The following CCND3 variants were observed in gnomAD, a reference collection of about 807,000 sequenced individuals.
CCND3 encodes the protein G1/S-specific cyclin-D3.
Under a neutral mutation model 28.7 loss-of-function variants are expected in CCND3, and 9 were observed. The observed-to-expected ratio is 0.31, with a 90% CI of 0.19 to 0.55. The LOEUF is 0.55. Ranked by LOEUF, CCND3 falls within the 20% of genes least tolerant of loss-of-function variation. The probability of loss-of-function intolerance (pLI) is 0.93; values close to 1 mark genes in which losing one functional copy is unlikely to be tolerated. For synonymous variants in CCND3, 164 were observed against 163.9 expected, an observed-to-expected ratio of 1.00 and a Z score of 0.00; for missense variants, 315 against 385.8, an observed-to-expected ratio of 0.82 and a Z score of 1.54.
chr6:41,975,669 T>C (rs1762157877), intron 1 of CCND3, among the ~76,000 whole-genome samples: 1 of 151,298 alleles, frequency 6.6e-6, no homozygotes, highest in Non-Finnish European at 1.5e-5. Context: ...AGGGACTCAC[T>C]GGGAGTAGTG....
At chr6:42,009,620 A>AAAAAC (rs61144625) in intron 1 of CCND3, among the ~76,000 whole-genome samples, 117,787 of 150,418 alleles carry the variant, frequency 0.78, 46,861 homozygotes, top group East Asian at 0.88. Flanking sequence ...TTCAAAACAA[A>AAAAAC]AAAACAAAAC....
intron 1 of CCND3, among the ~76,000 whole-genome samples, chr6:42,030,683 C>T (rs548537979): frequency 3.3e-5 from 5 of 152,322 alleles, no homozygotes; most frequent in Non-Finnish European, 7.4e-5. Context: ...CTTCCTGGAG[C>T]GGCCCAGGGG....
chr6:42,036,377 C>CTATATATATATATA (rs1162806893), intron 1 of CCND3, among the ~76,000 whole-genome samples: 12 of 59,586 alleles, frequency 2.0e-4, no homozygotes, highest in African/African-American at 4.2e-4. Context: ...TGCATATATA[C>CTATATATATATATA]TATATATATA....
At chr6:42,003,749 A>G (rs1250006594) in intron 1 of CCND3, among the ~76,000 whole-genome samples, 3 of 151,384 alleles carry the variant, frequency 2.0e-5, no homozygotes, top group Non-Finnish European at 4.4e-5. Context: ...GACCAGTCTG[A>G]GCAACATGGT....
At chr6:41,946,305 G>A (rs561752652), upstream of CCND3, among the ~76,000 whole-genome samples, 577 of 151,928 alleles carry the variant, frequency 3.8e-3, 5 homozygotes, top group African/African-American at 0.013. Flanking sequence ...GGACTTAAAA[G>A]CACAAAGTTG....
At chr6:41,954,853 CG>C (rs1319447312) in intron 1 of CCND3, among the ~76,000 whole-genome samples, 3 of 152,130 alleles carry the variant, frequency 2.0e-5, no homozygotes, top group Non-Finnish European at 4.4e-5. Context: ...CACTGTGCTG[CG>C]ATGCCTGGAG....
At chr6:42,013,860 T>C (rs1763410902) in intron 1 of CCND3, among the ~76,000 whole-genome samples, 1 of 150,846 alleles carries the variant, frequency 6.6e-6, no homozygotes, top group Non-Finnish European at 1.5e-5. Context: ...GATCACGAGG[T>C]CAAGAGACTG....
At position 42,048,354 on chromosome 6, in the gene CCND3, G is replaced by A. The variant is rs763536024; in HGVS notation, c.-46+147C>T. ...TCCGTGCAGAACACCTCACTCAGTG[G>A]GAAAGTGAGCCAAGCTTTCGGTGCC... On this transcript the variant is annotated intron_variant, in intron 1 of 4. Coordinates refer to the CCND3 transcript ENST00000372988. The surrounding 1 kb of genome is among the most constrained non-coding windows in gnomAD (Gnocchi z 4.7). The A allele has an allele frequency of 2.9e-6, 1 of 344,038 alleles. No individual in the cohort carries two copies. Among genetic ancestry groups the A allele is most frequent in the Non-Finnish European group, 5.8e-6 (1 of 173,576 alleles). 21.3% of individuals were successfully genotyped at this position (344,038 alleles called of 1,614,324 possible).
chr6:41,995,152 GTTAT>G (rs930299865), intron 1 of CCND3, among the ~76,000 whole-genome samples: 2 of 152,048 alleles, frequency 1.3e-5, no homozygotes, highest in African/African-American at 2.4e-5. Flanking sequence ...CATACAAATG[GTTAT>G]TTATTATAGC....
intron 1 of CCND3, among the ~76,000 whole-genome samples, chr6:42,021,148 T>A (rs1223275238): frequency 1.3e-5 from 2 of 152,266 alleles, no homozygotes; most frequent in Non-Finnish European, 2.9e-5. Flanking sequence ...ACAACTTTTA[T>A]TACAATATAT....
intron 1 of CCND3, among the ~76,000 whole-genome samples, chr6:42,043,713 T>C (rs1764440062): frequency 6.6e-6 from 1 of 152,138 alleles, no homozygotes; most frequent in South Asian, 2.1e-4. Context: ...AATCAGGGTG[T>C]CCTTGCTCAT....
intron 1 of CCND3, among the ~76,000 whole-genome samples, chr6:42,007,584 T>C (rs9462762): frequency 0.36 from 54,797 of 152,122 alleles, 10,717 homozygotes; most frequent in Middle Eastern, 0.5. Flanking sequence ...AGGGCCTGGC[T>C]AAGCAACCAT....
intron 1 of CCND3, among the ~76,000 whole-genome samples, chr6:42,024,694 G>T (rs758077229): frequency 3.3e-5 from 5 of 152,160 alleles, no homozygotes; most frequent in Non-Finnish European, 5.9e-5. Context: ...GCTGAGACAG[G>T]TGAATCACCT....
chr6:41,967,147 C>T (rs1015462196), intron 1 of CCND3, among the ~76,000 whole-genome samples: 1 of 152,124 alleles, frequency 6.6e-6, no homozygotes, highest in African/African-American at 2.4e-5. Flanking sequence ...TGTCTCACCT[C>T]TGGTTTCAGA....
intron 1 of CCND3, among the ~76,000 whole-genome samples, chr6:41,951,820 G>A (rs1348771089): frequency 1.3e-5 from 2 of 151,730 alleles, no homozygotes; most frequent in African/African-American, 4.8e-5. Context: ...GTGCAGTGGT[G>A]TGATCTCAGC....
rs1246451011 is a variant in CCND3 at position 41,936,588 on chromosome 6, G to A, written c.682C>T (p.Leu228=). The part of the protein sequence containing the change: ...CSMSGDELTE[L]LAGITGTEVD... The stretch of plus-strand genomic sequence containing the variant: ...TCAGTGCCAGTGATCCCTGCCAGCA[G>A]CTCTGTGAGCTCATCCCCGGACATG... Residue 228 remains leucine (L), a synonymous_variant, in exon 4 of 5, where the codon CTG becomes TTG. Transcript: ENST00000372991. This position sits in a 1 kb window ranked among gnomAD's most constrained non-coding sequence, Gnocchi z 4.4. 1.9e-6 allele frequency: 3 copies of A among 1,614,196 alleles called. No homozygotes were observed. Among genetic ancestry groups the A allele is most frequent in the Non-Finnish European group, 2.5e-6 (3 of 1,180,030 alleles).
At chr6:41,972,879 A>T (rs1315467052) in intron 1 of CCND3, among the ~76,000 whole-genome samples, 2 of 145,532 alleles carry the variant, frequency 1.4e-5, no homozygotes, top group Non-Finnish European at 3.0e-5. Flanking sequence ...ATATATATAT[A>T]TTTAAAAATT....
At chr6:41,964,393 C>T (rs915056864) in intron 1 of CCND3, among the ~76,000 whole-genome samples, 1 of 136,002 alleles carries the variant, frequency 7.4e-6, no homozygotes. Flanking sequence ...TGTGTGTGTG[C>T]ATGTGTGAAT....
At chr6:42,046,015 C>T (rs1007191429) in intron 1 of CCND3, among the ~76,000 whole-genome samples, 2 of 152,210 alleles carry the variant, frequency 1.3e-5, no homozygotes, top group African/African-American at 4.8e-5. Context: ...GGTTCACGTC[C>T]TGCTTACCCG....
Sources: allele counts gnomAD v4.1 joint callset (sites outside exome capture counted in the v4.1 genomes callset), GRCh38; gene constraint gnomAD v4.1.1; non-coding constraint Gnocchi (gnomAD v3.1); transcripts MANE v1.5; gene names NCBI Gene and HGNC (gene_info 2026-07-23, HGNC 2026-07-21).